Variants in ZNF254 observed in about 807,000 individuals in gnomAD.
ZNF254 encodes the protein CTD-2017D11.1.
ZNF254 carries 10 observed loss-of-function variants against 12.4 expected under a neutral mutation model. The observed-to-expected ratio is 0.80, with a 90% CI of 0.50 to 1.36. The LOEUF (loss-of-function observed/expected upper bound fraction) is 1.36. Among genes scored for constraint, ZNF254 ranks in the 40% most tolerant of loss-of-function variants. The probability of loss-of-function intolerance (pLI) is 0.00; values close to 1 mark genes in which losing one functional copy is unlikely to be tolerated. For missense variants in ZNF254, 996 were observed against 763.9 expected (o/e 1.30, Z -3.58); for synonymous variants, 305 against 253.4 (o/e 1.20, Z -1.93).
chr19:24,107,254 T>A, intron 3 of ZNF254: 1 of 648,218 alleles, frequency 1.5e-6, no homozygotes, highest in Non-Finnish European at 2.8e-6. Flanking sequence ...AACACTGGAA[T>A]TTTGATAAGG....
In ZNF254 at chr19:24,087,350, G is replaced by C. The variant is rs1972086425; in HGVS notation, c.30+13G>C. 1.9e-6 allele frequency: 3 copies of C among 1,613,400 alleles called. No individual in the cohort carries two copies. Among genetic ancestry groups the C allele is most frequent in the Non-Finnish European group, 2.5e-6 (3 of 1,179,644 alleles). On this transcript the variant is annotated intron_variant, in intron 1 of 3. Transcript: ENST00000357002. ...AAGCCTAGAAATGGTGAGAATGCCA[G>C]TCCGACATCCCGAGAGAGGGGAGGG...
Position 24,129,477 on chromosome 19 carries a change from C to A in ZNF254, c.*1497C>A, listed in dbSNP as rs1975100551. 6.6e-6 allele frequency: 1 copy of A among 151,908 alleles called. No individual in the cohort carries two copies. The highest frequency in any genetic ancestry group is 1.5e-5 in the Non-Finnish European group (1 of 67,878). 9.4% of individuals were successfully genotyped at this position (151,908 alleles called of 1,614,324 possible). On this transcript the variant is annotated 3_prime_UTR_variant, in exon 4 of 4. Coordinates refer to ENST00000357002, the MANE Select transcript of ZNF254 (RefSeq NM_203282.4). ...CTGACATCTCTAGCAATCTTTTTTGCCAGTGGCTTTAAATTGCCAATAAGT... is the reference window on the plus strand; with the variant it reads ...CTGACATCTCTAGCAATCTTTTTTGACAGTGGCTTTAAATTGCCAATAAGT...
intron 1 of ZNF254, among the ~76,000 whole-genome samples, chr19:24,094,107 G>A (rs1972543448): frequency 6.6e-6 from 1 of 152,010 alleles, no homozygotes; most frequent in Non-Finnish European, 1.5e-5. Context: ...ACTAATTTTT[G>A]TACACTTACT....
chr19:24,125,437 A>C (rs1240919437), intron 3 of ZNF254, among the ~76,000 whole-genome samples: 1 of 151,572 alleles, frequency 6.6e-6, no homozygotes, highest in Middle Eastern at 3.2e-3. Flanking sequence ...CTTTCAGAAA[A>C]TTTTGTGATA....
chr19:24,095,932 A>G (rs1415580672), intron 1 of ZNF254, among the ~76,000 whole-genome samples: 1 of 151,210 alleles, frequency 6.6e-6, no homozygotes, highest in Admixed American at 6.6e-5. Context: ...TCATTCTTTT[A>G]TTGATTATAT....
At chr19:24,094,340 A>T (rs1054496656) in intron 1 of ZNF254, among the ~76,000 whole-genome samples, 1 of 151,986 alleles carries the variant, frequency 6.6e-6, no homozygotes, top group African/African-American at 2.4e-5. Flanking sequence ...GGCTCACCGC[A>T]AACTCCACCT....
chr19:24,076,690 A>G (rs1971671839), intron 2 of ZNF254, among the ~76,000 whole-genome samples: 1 of 152,226 alleles, frequency 6.6e-6, no homozygotes, highest in South Asian at 2.1e-4. Flanking sequence ...AGGATGGGCT[A>G]TTCTGAAAGA....
intron 3 of ZNF254, among the ~76,000 whole-genome samples, chr19:24,117,140 CA>C (rs1974135788): frequency 6.6e-6 from 1 of 152,148 alleles, no homozygotes; most frequent in Admixed American, 6.5e-5. Flanking sequence ...GCTCATGGTT[CA>C]GGGGTCCGGG....
upstream of ZNF254, among the ~76,000 whole-genome samples, chr19:24,084,798 T>C (rs189250346): frequency 1.6e-3 from 243 of 152,200 alleles, no homozygotes; most frequent in African/African-American, 5.7e-3. Flanking sequence ...CAGTTAACTT[T>C]TGTATTTTTT....
intron 1 of ZNF254, chr19:24,033,632 G>T (rs955393962): frequency 2.5e-6 from 1 of 399,860 alleles, no homozygotes. Context: ...GTGAGTGTGC[G>T]GGGTTGGGCA....
chr19:24,122,578 T>C (rs1974554787), intron 3 of ZNF254, among the ~76,000 whole-genome samples: 2 of 152,016 alleles, frequency 1.3e-5, no homozygotes, highest in Admixed American at 6.6e-5. Context: ...TCTTTGTTTC[T>C]AAGAGTGTAA....
intron 1 of ZNF254, among the ~76,000 whole-genome samples, chr19:24,037,908 C>G (rs916873344): frequency 6.6e-6 from 1 of 152,240 alleles, no homozygotes; most frequent in East Asian, 1.9e-4. Flanking sequence ...CACACCTGGC[C>G]CTAATTTTTT....
intron 2 of ZNF254, among the ~76,000 whole-genome samples, chr19:24,047,596 CTTTT>C (rs386388790): frequency 5.9e-4 from 64 of 107,906 alleles, no homozygotes; most frequent in Admixed American, 1.1e-3. Context: ...TTCATTCTTC[CTTTT>C]TTTTTTTTTT....
chr19:24,077,600 A>G (rs542737678), intron 2 of ZNF254, among the ~76,000 whole-genome samples: 3 of 152,352 alleles, frequency 2.0e-5, no homozygotes, highest in African/African-American at 7.2e-5. Context: ...CAGCCAGTCT[A>G]TCTTATAACT....
At chr19:24,112,782 G>A (rs1362496005) in intron 3 of ZNF254, among the ~76,000 whole-genome samples, 2 of 151,994 alleles carry the variant, frequency 1.3e-5, no homozygotes, top group Non-Finnish European at 1.5e-5. Flanking sequence ...TAGACCACTA[G>A]CAAGACTAAT....
chr19:24,049,252 T>C (rs1394585000), intron 2 of ZNF254, among the ~76,000 whole-genome samples: 2 of 144,632 alleles, frequency 1.4e-5, no homozygotes, highest in Admixed American at 7.1e-5. Flanking sequence ...TATTTTTTAA[T>C]ATAGGGGTTG....
intron 3 of ZNF254, among the ~76,000 whole-genome samples, chr19:24,122,425 A>G (rs767073607): frequency 1.3e-5 from 2 of 152,042 alleles, no homozygotes; most frequent in Admixed American, 6.6e-5. Context: ...GGGTTTCACC[A>G]TCTTGGCCAG....
chr19:24,059,015 C>T (rs1194921925), intron 2 of ZNF254, among the ~76,000 whole-genome samples: 2 of 152,240 alleles, frequency 1.3e-5, no homozygotes, highest in Admixed American at 1.3e-4. Context: ...TGACTCCTCT[C>T]TTCTTTCTAG....
At chr19:24,040,139 A>T (rs62113664) in intron 1 of ZNF254, among the ~76,000 whole-genome samples, 24,291 of 152,118 alleles carry the variant, frequency 0.16, 2,111 homozygotes, top group Middle Eastern at 0.23. Flanking sequence ...CCTATGCTCT[A>T]TGAGCCTTGT....
Sources: allele counts gnomAD v4.1 joint callset (sites outside exome capture counted in the v4.1 genomes callset), GRCh38; gene constraint gnomAD v4.1.1; transcripts MANE v1.5; gene names NCBI Gene and HGNC (gene_info 2026-07-23, HGNC 2026-07-21).